STK32B: variants seen among roughly 807,000 people sequenced by gnomAD.
The protein encoded by STK32B is serine/threonine-protein kinase 32B.
A neutral mutation model predicts 52.6 loss-of-function variants in STK32B; 43 were observed. That is an observed-to-expected ratio of 0.82 (90% confidence interval 0.64 to 1.05). The LOEUF is 1.05. Among genes scored for constraint, STK32B ranks in the 50% least tolerant of loss-of-function variants. The pLI is 0.00. For synonymous variants in STK32B, 238 were observed against 204.3 expected (o/e 1.17, Z -1.41); for missense variants, 621 against 534.6 (o/e 1.16, Z -1.59).
chr4:5,182,569 T>G (rs761897060), intron 3 of STK32B, among the ~76,000 whole-genome samples: 30 of 151,976 alleles, frequency 2.0e-4, no homozygotes, highest in Non-Finnish European at 3.2e-4. Flanking sequence ...TCAAGAGATT[T>G]TCCTGCCTCA....
chr4:5,130,533 C>A (rs1420834860), intron 1 of STK32B, among the ~76,000 whole-genome samples: 1 of 152,068 alleles, frequency 6.6e-6, no homozygotes, highest in East Asian at 1.9e-4. Context: ...AAACTCAGCA[C>A]CCTGGAACCA....
In STK32B at chr4:5,330,189, T is replaced by C. The variant is rs527581348; in HGVS notation, c.261-1031T>C. 4.6e-5 allele frequency among the ~76,000 whole-genome samples: 7 copies of C among 152,302 alleles called. No homozygotes were observed. The South Asian group carries it at 1.4e-3, about 32-fold the overall frequency. On this transcript the variant is annotated intron_variant, in intron 3 of 11. Coordinates refer to ENST00000282908, the MANE Select transcript of STK32B (RefSeq NM_018401.3). Reference sequence around the variant, plus strand: ...AGGACCTTGCTGATTCGGTCTAATATCTGAGGATCTAAGACACAGGTCTAA... The same window carrying C: ...AGGACCTTGCTGATTCGGTCTAATACCTGAGGATCTAAGACACAGGTCTAA...
chr4:5,402,240 C>G (rs6835873), intron 5 of STK32B, among the ~76,000 whole-genome samples: 45,018 of 152,090 alleles, frequency 0.3, 8,356 homozygotes, highest in African/African-American at 0.52. Flanking sequence ...GAGGGGTGAA[C>G]AATTGAGGCC....
At chr4:5,223,765 C>T (rs887981408) in intron 3 of STK32B, among the ~76,000 whole-genome samples, 9 of 143,540 alleles carry the variant, frequency 6.3e-5, no homozygotes, top group East Asian at 2.1e-4. Flanking sequence ...TGCAGTGAGC[C>T]GAGATTGTGC....
intron 4 of STK32B, among the ~76,000 whole-genome samples, chr4:5,372,233 CAG>C (rs367940052): frequency 2.0e-4 from 30 of 152,312 alleles, no homozygotes; most frequent in Admixed American, 1.6e-3. Flanking sequence ...AATGTGGAAA[CAG>C]AGAGTCAGGT....
At chr4:5,342,176 G>A (rs376965662) in intron 4 of STK32B, among the ~76,000 whole-genome samples, 2 of 152,006 alleles carry the variant, frequency 1.3e-5, no homozygotes, top group South Asian at 2.1e-4. Flanking sequence ...AACACCACTG[G>A]GTCGCCAGTG....
chr4:5,250,490 T>G (rs1400915833), intron 3 of STK32B, among the ~76,000 whole-genome samples: 2 of 151,986 alleles, frequency 1.3e-5, no homozygotes, highest in Admixed American at 1.3e-4. Flanking sequence ...TTTTTGTAGT[T>G]TTAGTAGAGA....
At position 5,482,498 on chromosome 4, in the gene STK32B, G is replaced by A. The variant is rs143532268; in HGVS notation, c.1106+14428G>A. ...AGGAGATTTTGGGCTGAGATGATGA[G>A]GTTTTCTAGATATACAATCATGTCA... On this transcript the variant is annotated intron_variant, in intron 11 of 11. Transcript: ENST00000282908. 7.0e-3 allele frequency among the ~76,000 whole-genome samples: 1,059 copies of A among 152,096 alleles called. 6 individuals are homozygous for A. Among genetic ancestry groups the A allele is most frequent in the African/African-American group, 0.024 (1,009 of 41,410 alleles).
chr4:5,320,498 A>C lies in STK32B; in HGVS notation c.261-10722A>C, dbSNP rs558383770. Among the ~76,000 whole-genome samples the C allele has an allele frequency of 1.4e-3, 215 of 152,340 alleles. 3 individuals are homozygous for C. Among genetic ancestry groups the C allele is most frequent in the Middle Eastern group, 0.01 (3 of 294 alleles). Reference sequence around the variant, plus strand: ...TTTTTCAGCTATTGTTTACATTGAAAAAAATTATATTTACAGCCTTGAAAC... The same window carrying C: ...TTTTTCAGCTATTGTTTACATTGAACAAAATTATATTTACAGCCTTGAAAC... On this transcript the variant is annotated intron_variant, in intron 3 of 11. Coordinates refer to ENST00000282908, the MANE Select transcript of STK32B (RefSeq NM_018401.3).
intron 1 of STK32B, among the ~76,000 whole-genome samples, chr4:5,060,525 T>C (rs2108757720): frequency 6.6e-6 from 1 of 152,296 alleles, no homozygotes; most frequent in Non-Finnish European, 1.5e-5. Context: ...TTTTCTTCTG[T>C]ACACTTTTTG....
chr4:5,437,518 A>T (rs879768800), intron 6 of STK32B, among the ~76,000 whole-genome samples: 16 of 152,328 alleles, frequency 1.1e-4, no homozygotes, highest in Middle Eastern at 6.8e-3. Context: ...GGCCCAATCT[A>T]AATCCAGGAT....
intron 1 of STK32B, among the ~76,000 whole-genome samples, chr4:5,112,613 C>T (rs1714464372): frequency 6.6e-6 from 1 of 152,156 alleles, no homozygotes; most frequent in African/African-American, 2.4e-5. Flanking sequence ...ATGTTAATCT[C>T]ATTTCCAAAC....
intron 4 of STK32B, among the ~76,000 whole-genome samples, chr4:5,370,021 G>T (rs1043474518): frequency 8.9e-4 from 135 of 151,976 alleles, no homozygotes; most frequent in African/African-American, 3.1e-3. Context: ...GACTACAGGC[G>T]CCACCATCAC....
intron 2 of STK32B, among the ~76,000 whole-genome samples, chr4:5,144,523 G>A (rs1401911972): frequency 6.6e-6 from 1 of 152,152 alleles, no homozygotes; most frequent in African/African-American, 2.4e-5. Flanking sequence ...GGGACAGGCA[G>A]GGCTGTTGTG....
intron 3 of STK32B, among the ~76,000 whole-genome samples, chr4:5,250,310 C>CTTTTTTTT (rs143911318): frequency 1.7e-5 from 2 of 119,260 alleles, no homozygotes; most frequent in African/African-American, 6.3e-5. Context: ...GTTTTAAGTT[C>CTTTTTTTT]TTTTTTTTTT....
chr4:5,490,211 A>C (rs527475198), intron 11 of STK32B, among the ~76,000 whole-genome samples: 2 of 151,892 alleles, frequency 1.3e-5, no homozygotes. Flanking sequence ...GGTTCAAGCA[A>C]TTCTCCTGCC....
At chr4:5,319,476 T>C (rs1028100842) in intron 3 of STK32B, among the ~76,000 whole-genome samples, 4 of 152,166 alleles carry the variant, frequency 2.6e-5, no homozygotes, top group African/African-American at 9.7e-5. Flanking sequence ...GGCTTCCCCT[T>C]GTGCAAGAAT....
chr4:5,246,689 C>G (rs897152159), intron 3 of STK32B, among the ~76,000 whole-genome samples: 11 of 152,090 alleles, frequency 7.2e-5, no homozygotes, highest in African/African-American at 2.7e-4. Context: ...CTGTGTCTTC[C>G]CTATCTTTGT....
chr4:5,331,490 C>G (rs1366734843), intron 4 of STK32B, 97 bp downstream of exon 4: 11 of 1,372,134 alleles, frequency 8.0e-6, no homozygotes, highest in Non-Finnish European at 2.0e-6. Flanking sequence ...TTGTCCTTGA[C>G]ATGGTTTAAA....
Sources: allele counts gnomAD v4.1 joint callset (sites outside exome capture counted in the v4.1 genomes callset), GRCh38; gene constraint gnomAD v4.1.1; transcripts MANE v1.5; gene names NCBI Gene and HGNC (gene_info 2026-07-23, HGNC 2026-07-21).